Variants in SEMA4D observed in about 807,000 individuals in gnomAD.
SEMA4D encodes the protein semaphorin-4D.
Under a neutral mutation model 74.8 loss-of-function variants are expected in SEMA4D, and 22 were observed. The observed-to-expected ratio is 0.29, with a 90% CI of 0.21 to 0.42. The LOEUF (loss-of-function observed/expected upper bound fraction) is 0.42, where lower values mean the gene tolerates loss of function less well. Ranked by LOEUF, SEMA4D falls within the 10% of genes least tolerant of loss-of-function variation. SEMA4D has a pLI of 1.00. For missense variants in SEMA4D, 937 were observed against 1,118.4 expected, an observed-to-expected ratio of 0.84 and a Z score of 2.31; for synonymous variants, 445 against 463.7, an observed-to-expected ratio of 0.96 and a Z score of 0.52.
chr9:89,456,268 T>C (rs1855904014), intron 1 of SEMA4D, among the ~76,000 whole-genome samples: 1 of 152,182 alleles, frequency 6.6e-6, no homozygotes, highest in Admixed American at 6.5e-5. Flanking sequence ...AGAGAGCCTC[T>C]CCTTGGCTCA....
rs185056669 is a variant in SEMA4D at position 89,423,215 on chromosome 9, G to A, written c.-243-17516C>T. Among the ~76,000 whole-genome samples the A allele has an allele frequency of 8.0e-4, 120 of 149,760 alleles. 2 individuals carry two copies. The East Asian group carries it at 0.02, about 24-fold the overall frequency. On this transcript the variant is annotated intron_variant, in intron 2 of 15. Transcript: ENST00000422704. ...TTTTTTTTTTTTTTAAATTGAGATG[G>A]AGTTTCACTCTTGTTGCCCAGGCTG...
chr9:89,454,024 A>AT (rs1244605339), intron 2 of SEMA4D, among the ~76,000 whole-genome samples: 1 of 152,074 alleles, frequency 6.6e-6, no homozygotes, highest in Admixed American at 6.6e-5. Flanking sequence ...CGCCTGGCTA[A>AT]TTTTTTGTAT....
chr9:89,405,789 C>T lies in SEMA4D; in HGVS notation c.-243-90G>A, dbSNP rs946438832. On this transcript the variant is annotated intron_variant, in intron 2 of 15. Coordinates refer to ENST00000422704, the MANE Select transcript of SEMA4D (RefSeq NM_001371194.2). The stretch of plus-strand genomic sequence containing the variant: ...TGTAGCCCCTCTGCTTGCCCTGGAT[C>T]CTCACCCGGGTCCATCTGCTGAGGA... The T allele has an allele frequency of 9.2e-6, 12 of 1,300,386 alleles. No individual in the cohort carries two copies. In the African/African-American group the frequency reaches 1.2e-4, roughly 13 times the overall value. 80.6% of individuals were successfully genotyped at this position (1,300,386 alleles called of 1,614,324 possible).
intron 2 of SEMA4D, among the ~76,000 whole-genome samples, chr9:89,451,206 A>C (rs1854420284): frequency 6.6e-6 from 1 of 152,016 alleles, no homozygotes; most frequent in African/African-American, 2.4e-5. Context: ...ATTCTCCCCA[A>C]GTATTTTATC....
Position 89,388,961 on chromosome 9 carries a change from G to C in SEMA4D, c.861C>G (p.Gly287=). ...ARLICSRPDS[G]LVFNVLRDVF... The stretch of plus-strand genomic sequence containing the variant: ...CATCCCGCAGCACATTGAAGACCAA[G>C]CCGCTGTCTGGCCGGGAGCAGATGA... Residue 287 remains glycine (G), a synonymous_variant, in exon 10 of 16, where the codon GGC becomes GGG. Coordinates refer to ENST00000422704, the MANE Select transcript of SEMA4D (RefSeq NM_001371194.2). 6.2e-7 allele frequency: 1 copy of C among 1,614,128 alleles called. No individual in the cohort carries two copies. The highest frequency in any genetic ancestry group is 8.5e-7 in the Non-Finnish European group (1 of 1,180,022).
intron 1 of SEMA4D, among the ~76,000 whole-genome samples, chr9:89,491,571 AAACAACAAC>A (rs35705317): frequency 4.0e-5 from 6 of 150,768 alleles, no homozygotes; most frequent in Non-Finnish European, 5.9e-5. Flanking sequence ...TCTGTCTCAA[AAACAACAAC>A]AACAACAACA....
intron 1 of SEMA4D, among the ~76,000 whole-genome samples, chr9:89,459,514 A>G (rs4360376): frequency 1.3e-5 from 2 of 152,146 alleles, no homozygotes; most frequent in Non-Finnish European, 2.9e-5. Flanking sequence ...TCAATGTGAG[A>G]AACAGCCTAC....
chr9:89,418,339 G>A lies in SEMA4D; in HGVS notation c.-243-12640C>T, dbSNP rs144539366. On this transcript the variant is annotated intron_variant, in intron 2 of 15. Transcript: ENST00000422704. Reference sequence around the variant, plus strand: ...TGCAACCACCCACCCACGAACAGAGGGGAAGGGCAGCCCAGCCCGTTACCT... The same window carrying A: ...TGCAACCACCCACCCACGAACAGAGAGGAAGGGCAGCCCAGCCCGTTACCT... 1.7e-3 allele frequency: 1,664 copies of A among 981,888 alleles called. 18 individuals carry two copies. The African/African-American group carries it at 0.024, about 14-fold the overall frequency. The allele number at this position is 981,888 out of a possible 1,614,324, so 60.8% of individuals were successfully genotyped here. A position where few individuals can be genotyped will look rare whatever the true frequency, so the allele number is the denominator to read the frequency against.
intron 2 of SEMA4D, among the ~76,000 whole-genome samples, chr9:89,417,004 A>G (rs1008337556): frequency 6.6e-6 from 1 of 152,176 alleles, no homozygotes. Flanking sequence ...GTGACAGCAA[A>G]GTAAAAAATA....
chr9:89,481,841 G>A (rs889585722), intron 1 of SEMA4D, among the ~76,000 whole-genome samples: 1 of 152,250 alleles, frequency 6.6e-6, no homozygotes, highest in African/African-American at 2.4e-5. Flanking sequence ...AGGCATCGCA[G>A]GGCTGGCTCC....
At chr9:89,457,936 G>A (rs532009621) in intron 1 of SEMA4D, among the ~76,000 whole-genome samples, 1 of 152,004 alleles carries the variant, frequency 6.6e-6, no homozygotes, top group Admixed American at 6.5e-5. Context: ...GGGAGGCTGA[G>A]ACAGGAGAAT....
At chr9:89,428,261 C>A (rs753286126) in intron 2 of SEMA4D, among the ~76,000 whole-genome samples, 2 of 152,230 alleles carry the variant, frequency 1.3e-5, no homozygotes, top group African/African-American at 4.8e-5. Context: ...CAGCTCCAGG[C>A]GGCCCCCGCC....
rs192773752 is a variant in SEMA4D, at chr9:89,399,816, G to A, written c.253-478C>T. ...AGTTCCAGACCAGCCTGGCCAACAT[G>A]GTGAAACTCCATCTTTACTAAAAAT... is the stretch of plus-strand genomic sequence containing the variant. On this transcript the variant is annotated intron_variant, in intron 4 of 15. Coordinates refer to ENST00000422704, the MANE Select transcript of SEMA4D (RefSeq NM_001371194.2). 3.3e-5 allele frequency among the ~76,000 whole-genome samples: 5 copies of A among 151,914 alleles called. No homozygotes were observed. In the East Asian group the frequency reaches 7.7e-4, roughly 24 times the overall value.
intron 1 of SEMA4D, among the ~76,000 whole-genome samples, chr9:89,488,182 T>C (rs1247307850): frequency 6.6e-6 from 1 of 152,046 alleles, no homozygotes; most frequent in African/African-American, 2.4e-5. Context: ...ATATGGTCAA[T>C]TACTTTACAA....
chr9:89,447,501 C>A (rs907124404), intron 2 of SEMA4D, among the ~76,000 whole-genome samples: 1 of 152,074 alleles, frequency 6.6e-6, no homozygotes, highest in Non-Finnish European at 1.5e-5. Context: ...CTGTGCTCCC[C>A]GACCCCCACC....
At chr9:89,443,407 C>T (rs983567020) in intron 2 of SEMA4D, among the ~76,000 whole-genome samples, 1 of 152,238 alleles carries the variant, frequency 6.6e-6, no homozygotes, top group South Asian at 2.1e-4. Flanking sequence ...CACCTTCTCA[C>T]TGACCTCGAA....
intron 2 of SEMA4D, among the ~76,000 whole-genome samples, chr9:89,410,917 T>C (rs1326542040): frequency 6.6e-6 from 1 of 152,198 alleles, no homozygotes; most frequent in Admixed American, 6.5e-5. Flanking sequence ...CTAGTCAAAT[T>C]ATCAATCAGT....
At chr9:89,405,233 C>T (rs1338861314) in intron 3 of SEMA4D, 118 bp downstream of exon 3, 32 of 827,396 alleles carry the variant, frequency 3.9e-5, no homozygotes, top group African/African-American at 2.2e-4. Context: ...CCCAGCCACC[C>T]GCCTCAGCAT....
intron 2 of SEMA4D, among the ~76,000 whole-genome samples, chr9:89,448,317 T>C (rs911642734): frequency 3.9e-5 from 6 of 152,228 alleles, no homozygotes; most frequent in African/African-American, 1.4e-4. Flanking sequence ...ACTCCAGTCA[T>C]ACCTGACCTA....
Sources: gnomAD v4.1 joint callset for allele counts (sites outside exome capture counted in the v4.1 genomes callset) on GRCh38, gnomAD v4.1.1 for gene constraint, MANE v1.5 for transcripts, NCBI Gene and HGNC (gene_info 2026-07-23, HGNC 2026-07-21) for gene names.